The following LDB2 variants were observed in gnomAD, a reference collection of about 807,000 sequenced individuals.
LDB2 encodes LIM domain binding 2.
A neutral mutation model predicts 44.3 loss-of-function variants in LDB2; 12 were observed. That is an observed-to-expected ratio of 0.27 (90% CI 0.17 to 0.44). The LOEUF is 0.44. LDB2 is among the 20% of genes least tolerant of loss of function. The pLI, the probability that LDB2 is intolerant of heterozygous loss-of-function variation, is 1.00. For missense variants in LDB2, 344 were observed against 473.5 expected, an observed-to-expected ratio of 0.73 and a Z score of 2.54; for synonymous variants, 164 against 174.8, an observed-to-expected ratio of 0.94 and a Z score of 0.49.
At chr4:16,683,528 A>G (rs1470692761) in intron 2 of LDB2, among the ~76,000 whole-genome samples, 2 of 152,200 alleles carry the variant, frequency 1.3e-5, no homozygotes, top group African/African-American at 4.8e-5. Flanking sequence ...TTCAGCTCTA[A>G]AATTGTGTCA....
At chr4:16,888,945 G>A (rs755101276) in intron 1 of LDB2, among the ~76,000 whole-genome samples, 33 of 152,150 alleles carry the variant, frequency 2.2e-4, no homozygotes, top group Non-Finnish European at 8.8e-5. Flanking sequence ...AAGCCTTTAT[G>A]TTCAAGGCTG....
intron 1 of LDB2, among the ~76,000 whole-genome samples, chr4:16,793,892 C>T (rs1254917853): frequency 2.0e-5 from 3 of 152,072 alleles, no homozygotes; most frequent in African/African-American, 7.2e-5. Flanking sequence ...AAACTGAGGC[C>T]TTGGAAAACT....
At chr4:16,735,917 G>A (rs1043176361) in intron 2 of LDB2, among the ~76,000 whole-genome samples, 2 of 152,174 alleles carry the variant, frequency 1.3e-5, no homozygotes, top group African/African-American at 4.8e-5. Flanking sequence ...ACCCTGGATG[G>A]AAAAACTGGT....
chr4:16,654,493 G>A (rs922044578), intron 2 of LDB2, among the ~76,000 whole-genome samples: 2 of 152,154 alleles, frequency 1.3e-5, no homozygotes, highest in African/African-American at 4.8e-5. Flanking sequence ...GGTGCATGAA[G>A]AAAAGCAAGT....
chr4:16,886,438 C>T (rs1283592482), intron 1 of LDB2, among the ~76,000 whole-genome samples: 1 of 152,086 alleles, frequency 6.6e-6, no homozygotes, highest in African/African-American at 2.4e-5. Flanking sequence ...GCTCAATATG[C>T]TTGTAAGCAA....
At chr4:16,536,040 C>T (rs1731721565) in intron 5 of LDB2, among the ~76,000 whole-genome samples, 1 of 152,144 alleles carries the variant, frequency 6.6e-6, no homozygotes, top group South Asian at 2.1e-4. Flanking sequence ...AAACCCAATC[C>T]CAACTATGCT....
At chr4:16,779,882 CT>C (rs1336960147) in intron 1 of LDB2, among the ~76,000 whole-genome samples, 1 of 152,102 alleles carries the variant, frequency 6.6e-6, no homozygotes, top group Non-Finnish European at 1.5e-5. Flanking sequence ...TTATTTTTGA[CT>C]TTTTTCATTT....
chr4:16,829,800 T>A (rs530949967), intron 1 of LDB2, among the ~76,000 whole-genome samples: 1 of 152,280 alleles, frequency 6.6e-6, no homozygotes, highest in South Asian at 2.1e-4. Context: ...AGGCTGTGTA[T>A]CCTCTCACTC....
intron 1 of LDB2, among the ~76,000 whole-genome samples, chr4:16,804,907 A>G (rs1778493944): frequency 6.6e-6 from 1 of 152,136 alleles, no homozygotes; most frequent in South Asian, 2.1e-4. Flanking sequence ...AAATTTATTT[A>G]TCATATTCTG....
chr4:16,539,042 G>C (rs1351451537), intron 5 of LDB2, among the ~76,000 whole-genome samples: 1 of 152,194 alleles, frequency 6.6e-6, no homozygotes, highest in Non-Finnish European at 1.5e-5. Flanking sequence ...ATGCTTGTAA[G>C]CTAATCAGGG....
intron 1 of LDB2, among the ~76,000 whole-genome samples, chr4:16,857,782 C>G (rs1789643423): frequency 6.6e-6 from 1 of 152,138 alleles, no homozygotes; most frequent in Non-Finnish European, 1.5e-5. Flanking sequence ...CTCTGACTAC[C>G]CTGTCTAAAC....
intron 2 of LDB2, among the ~76,000 whole-genome samples, chr4:16,714,948 CT>C: frequency 6.6e-6 from 1 of 152,266 alleles, no homozygotes; most frequent in Non-Finnish European, 1.5e-5. Context: ...AACTTTACAC[CT>C]GCAAAGACCC....
intron 1 of LDB2, among the ~76,000 whole-genome samples, chr4:16,821,189 T>A (rs1781897443): frequency 6.6e-6 from 1 of 152,202 alleles, no homozygotes; most frequent in Non-Finnish European, 1.5e-5. Flanking sequence ...TCCGTCATCA[T>A]TCCCACTCAA....
chr4:16,615,869 C>T (rs1439100079), intron 2 of LDB2, among the ~76,000 whole-genome samples: 1 of 152,166 alleles, frequency 6.6e-6, no homozygotes, highest in Non-Finnish European at 1.5e-5. Context: ...CCTGGAGCAG[C>T]CCTGCCTAGG....
chr4:16,503,358 A>T (rs1718053129), intron 7 of LDB2, among the ~76,000 whole-genome samples: 1 of 152,016 alleles, frequency 6.6e-6, no homozygotes, highest in South Asian at 2.1e-4. Flanking sequence ...CTCATTCCAA[A>T]CGGTATTTTC....
rs188217559 is a variant in LDB2, at chr4:16,543,945, C to T, written c.616-31841G>A. Among the ~76,000 whole-genome samples the T allele has an allele frequency of 2.0e-5, 3 of 152,198 alleles. No homozygotes were observed. The East Asian group carries it at 5.8e-4, about 29-fold the overall frequency. ...AAAAATCAAATAATTGTTTTTTTCT[C>T]CCTCTCTCTTTTTTTCTTTCCTAAT... On this transcript the variant is annotated intron_variant, in intron 5 of 7. Transcript: ENST00000304523.
chr4:16,595,585 T>A, intron 3 of LDB2, 118 bp downstream of exon 3: 1 of 836,160 alleles, frequency 1.2e-6, no homozygotes, highest in East Asian at 2.5e-5. Flanking sequence ...TCTCATGGTG[T>A]TGAAAGTGTC....
chr4:16,692,217 G>A (rs1750949210), intron 2 of LDB2, among the ~76,000 whole-genome samples: 1 of 152,190 alleles, frequency 6.6e-6, no homozygotes, highest in Admixed American at 6.5e-5. Context: ...AAACTTATGA[G>A]TTATACATCA....
chr4:16,571,461 A>G (rs542372445), intron 5 of LDB2, among the ~76,000 whole-genome samples: 16 of 152,094 alleles, frequency 1.1e-4, no homozygotes, highest in Non-Finnish European at 8.8e-5. Context: ...GGCAAAAAAA[A>G]AAAAGCCTGG....
Sources: allele counts gnomAD v4.1 joint callset (sites outside exome capture counted in the v4.1 genomes callset), GRCh38; gene constraint gnomAD v4.1.1; transcripts MANE v1.5; gene names NCBI Gene and HGNC (gene_info 2026-07-23, HGNC 2026-07-21).